CCDC157: variants seen among roughly 807,000 people sequenced by gnomAD.
CCDC157 encodes the protein coiled-coil domain-containing protein 157.
CCDC157 carries 60 observed loss-of-function variants against 70.9 expected under a neutral mutation model. That is an observed-to-expected ratio of 0.85 (90% CI 0.69 to 1.05). The LOEUF (loss-of-function observed/expected upper bound fraction) is 1.05. CCDC157 is among the 50% of genes least tolerant of loss of function. The pLI is 0.00. For synonymous variants in CCDC157, 373 were observed against 422.4 expected (o/e 0.88, Z 1.43); for missense variants, 943 against 984.2 (o/e 0.96, Z 0.56).
At chr22:30,365,107 G>A (rs1414465674) in intron 2 of CCDC157, among the ~76,000 whole-genome samples, 3 of 152,190 alleles carry the variant, frequency 2.0e-5, no homozygotes, top group Non-Finnish European at 4.4e-5. Context: ...CAGCTGAGAT[G>A]GTGGAAGCCC....
rs760971148 is a variant in CCDC157 at position 30,370,443 on chromosome 22, TTGCCCCAGA to T, written c.539_547del (p.Leu180_Thr183delinsSer). 1.2e-6 allele frequency: 2 copies of T among 1,614,104 alleles called. No individual in the cohort carries two copies. Among genetic ancestry groups the T allele is most frequent in the Admixed American group, 3.3e-5 (2 of 60,026 alleles). ...CAAGCCCTCCTCCCCAGTGCTAGGC[TTGCCCCAGA>T]CCTGCCAAGAGCCAGAGAGCATCCC... is the stretch of plus-strand genomic sequence containing the variant. On this transcript the variant is annotated inframe_deletion, in exon 5 of 12. Coordinates refer to ENST00000338306, the MANE Select transcript of CCDC157 (RefSeq NM_001017437.5).
In CCDC157 at chr22:30,375,249, G is replaced by A. The variant is rs111911350; in HGVS notation, c.1673-230G>A. On this transcript the variant is annotated intron_variant, in intron 9 of 11. Coordinates refer to ENST00000338306, the MANE Select transcript of CCDC157 (RefSeq NM_001017437.5). The stretch of plus-strand genomic sequence containing the variant: ...TGGGATTACAGGCGTGAGCCACCGC[G>A]CCCGGCCTTGCTAAGTCTTTTGAGA... 712 of 475,818 alleles carry A rather than the reference G, an allele frequency of 1.5e-3. 4 individuals carry two copies. Among genetic ancestry groups the A allele is most frequent in the African/African-American group, 0.012 (627 of 50,300 alleles). The allele number at this position is 475,818 out of a possible 1,614,324, so 29.5% of individuals were successfully genotyped here. A position where few individuals can be genotyped will look rare whatever the true frequency, so the allele number is the denominator to read the frequency against.
At position 30,374,092 on chromosome 22, in the gene CCDC157, G is replaced by A. The variant is rs991873149; in HGVS notation, c.1672+1G>A. The A allele has an allele frequency of 1.9e-6, 3 of 1,592,054 alleles. No homozygotes were observed. The highest frequency in any genetic ancestry group is 2.6e-6 in the Non-Finnish European group (3 of 1,170,476). ...AGGCCCACCGAGACCCAGATCCATG[G>A]TAGGGGACTGGGGATGGTGCCAAGG... On this transcript the variant is annotated splice_donor_variant, in intron 9 of 11. Transcript: ENST00000338306. LOFTEE classifies it high-confidence loss of function.
chr22:30,374,434 C>G (rs1933193515), intron 9 of CCDC157: 4 of 495,636 alleles, frequency 8.1e-6, no homozygotes, highest in Non-Finnish European at 1.6e-5. Flanking sequence ...CTTCTTGGTT[C>G]TTGGAATGGG....
At chr22:30,370,171 A>G in intron 4 of CCDC157, 155 bp from the exon 5 acceptor site, 1 of 849,904 alleles carries the variant, frequency 1.2e-6, no homozygotes, top group Admixed American at 2.3e-5. Context: ...AGAGGGAGAA[A>G]GTTCTCTCTT....
chr22:30,356,787 C>T (rs980895834), upstream of CCDC157: 4 of 1,420,190 alleles, frequency 2.8e-6, no homozygotes, highest in Non-Finnish European at 3.7e-6. Context: ...CGGGTCCGGC[C>T]GGCATGACTG....
chr22:30,372,095 C>A lies in CCDC157; in HGVS notation c.1144C>A (p.Gln382Lys). Residue 382 changes from glutamine (Q) to lysine (K), a missense_variant, in exon 7 of 12, where the codon CAG becomes AAG. By Grantham distance (53) the Gln-to-Lys change is moderately conservative. Coordinates refer to ENST00000338306, the MANE Select transcript of CCDC157 (RefSeq NM_001017437.5). ...QAVEAKAQQL[Q>K]EEGERRAAAE... ...TGCAGAGGCAAAGGCCCAGCAGCTG[C>A]AGGAGGAAGGTGAGCGCAGGGCGGC... 1 of 1,550,252 alleles carries A rather than the reference C, an allele frequency of 6.5e-7. No individual in the cohort carries two copies. The highest frequency in any genetic ancestry group is 8.7e-7 in the Non-Finnish European group (1 of 1,146,492).
At chr22:30,369,760 C>T in intron 4 of CCDC157, 157 bp downstream of exon 4, 1 of 585,466 alleles carries the variant, frequency 1.7e-6, no homozygotes, top group Non-Finnish European at 2.8e-6. Flanking sequence ...AAGCCCCACA[C>T]AGTGTGGCGG....
At chr22:30,368,089 G>A (rs1326362873) in intron 3 of CCDC157, among the ~76,000 whole-genome samples, 2 of 152,108 alleles carry the variant, frequency 1.3e-5, no homozygotes, top group African/African-American at 2.4e-5. Flanking sequence ...AAGCCGTGAC[G>A]GCCAGACAGG....
chr22:30,375,626 C>A lies in CCDC157; in HGVS notation c.1820C>A (p.Ser607Tyr). 1.2e-6 allele frequency: 2 copies of A among 1,614,026 alleles called. No homozygotes were observed. Among genetic ancestry groups the A allele is most frequent in the South Asian group, 1.1e-5 (1 of 91,066 alleles). The change falls in exon 10 of 12, where the codon TCC (serine) becomes TAC (tyrosine). Residue 607 changes from serine to tyrosine, a missense_variant. Ser to Tyr is a moderately radical substitution (Grantham distance 144, BLOSUM62 -2). Coordinates refer to ENST00000338306, the MANE Select transcript of CCDC157 (RefSeq NM_001017437.5). ...EENGRLQSML[S>Y]KIREVAQQGG... Reference sequence around the variant, plus strand: ...AACGGGCGGCTCCAATCAATGCTGTCCAAAATCCGGGAAGTGGCCCAGCAG... The same window carrying A: ...AACGGGCGGCTCCAATCAATGCTGTACAAAATCCGGGAAGTGGCCCAGCAG...
chr22:30,371,509 C>G (rs892776734), intron 5 of CCDC157, 141 bp from the exon 6 acceptor site: 9 of 671,838 alleles, frequency 1.3e-5, no homozygotes, highest in Non-Finnish European at 2.3e-5. Flanking sequence ...TTCCACCAGC[C>G]TCCCTAGAGC....
rs371254570 is a variant in CCDC157, at chr22:30,372,171, C to A, written c.1220C>A (p.Ala407Glu). Residue 407 changes from alanine to glutamate, a missense_variant, in exon 7 of 12, where the codon GCG (alanine) becomes GAG (glutamate). Ala to Glu is a moderately radical substitution (Grantham distance 107). Coordinates refer to ENST00000338306, the MANE Select transcript of CCDC157 (RefSeq NM_001017437.5). ...QLEEQVQQLE[A>E]QVQLLVGRLE... ...GAGGAGCAGGTGCAGCAGTTGGAGG[C>A]GCAGGTGCAGCTGTTGGTGGGTCGG... 4 of 1,574,978 alleles carry A rather than the reference C, an allele frequency of 2.5e-6. No individual in the cohort carries two copies. Among genetic ancestry groups the A allele is most frequent in the Non-Finnish European group, 3.4e-6 (4 of 1,162,224 alleles).
In CCDC157 at chr22:30,366,093, C is replaced by T. The variant is rs199928089; in HGVS notation, c.93C>T (p.Arg31=). 755 of 1,612,058 alleles carry T rather than the reference C, an allele frequency of 4.7e-4. 6 individuals carry two copies. The African/African-American group carries it at 8.7e-3, about 19-fold the overall frequency. Residue 31 remains arginine, a synonymous_variant, in exon 3 of 12, where the codon CGC becomes CGT. Coordinates refer to ENST00000338306, the MANE Select transcript of CCDC157 (RefSeq NM_001017437.5). The part of the protein sequence containing the change: ...LQGAIVDVFS[R]AGPVRFPSWK... Reference sequence around the variant, plus strand: ...GTGCCATCGTAGACGTCTTCTCCCGCGCCGGGCCTGTGCGCTTCCCCTCCT... The same window carrying T: ...GTGCCATCGTAGACGTCTTCTCCCGTGCCGGGCCTGTGCGCTTCCCCTCCT...
chr22:30,370,415 A>G lies in CCDC157; in HGVS notation c.510A>G (p.Leu170=), dbSNP rs368050149. The G allele has an allele frequency of 7.4e-6, 12 of 1,614,030 alleles. No individual in the cohort carries two copies. The highest frequency in any genetic ancestry group is 1.0e-5 in the Non-Finnish European group (12 of 1,180,040). The part of the protein sequence containing the change: ...ARSPEYLTTK[L]IKPSSPVLGL... ...GCCCTGAATATCTGACTACCAAGTT[A>G]ATCAAGCCCTCCTCCCCAGTGCTAG... is the stretch of plus-strand genomic sequence containing the variant. Residue 170 remains leucine (L), a synonymous_variant, in exon 5 of 12, where the codon TTA becomes TTG. Transcript: ENST00000338306.
chr22:30,366,207 G>A lies in CCDC157; in HGVS notation c.207G>A (p.Thr69=), dbSNP rs558203267. The A allele has an allele frequency of 1.7e-4, 272 of 1,613,668 alleles. No individual in the cohort carries two copies. The South Asian group carries it at 2.8e-3, about 17-fold the overall frequency. Reference sequence around the variant, plus strand: ...ATGTTCCGGGTGACCCCGAGTTCACGCAGCTGTCCCATGCCGTGCTGCTGG... The same window carrying A: ...ATGTTCCGGGTGACCCCGAGTTCACACAGCTGTCCCATGCCGTGCTGCTGG... ...YDHVPGDPEF[T]QLSHAVLLEL... Residue 69 remains threonine, a synonymous_variant, in exon 3 of 12, where the codon ACG becomes ACA. Coordinates refer to ENST00000338306, the MANE Select transcript of CCDC157 (RefSeq NM_001017437.5).
chr22:30,373,645 G>A lies in CCDC157; in HGVS notation c.1384G>A (p.Asp462Asn), dbSNP rs370221510. The stretch of plus-strand genomic sequence containing the variant: ...CCTGCTAAAGCAGCTGGACAGCCTG[G>A]ACCAGGAACGTGAGGAGCTGCGGGG... ...RALLKQLDSLDQEREELRGSL... is the reference protein window; with the variant it reads ...RALLKQLDSLNQEREELRGSL... Residue 462 changes from aspartate to asparagine, a missense_variant, in exon 8 of 12, where the codon GAC (aspartate) becomes AAC (asparagine). Asp to Asn is a conservative substitution (Grantham distance 23). Coordinates refer to ENST00000338306, the MANE Select transcript of CCDC157 (RefSeq NM_001017437.5). 171 of 1,558,582 alleles carry A rather than the reference G, an allele frequency of 1.1e-4. No homozygotes were observed. Among genetic ancestry groups the A allele is most frequent in the Middle Eastern group, 7.7e-4 (4 of 5,186 alleles).
chr22:30,375,225 G>A, intron 9 of CCDC157: 1 of 406,016 alleles, frequency 2.5e-6, no homozygotes, highest in South Asian at 2.6e-5. Context: ...CCAAAGTGCT[G>A]GGATTACAGG....
At chr22:30,364,671 C>T (rs1024049369) in intron 2 of CCDC157, among the ~76,000 whole-genome samples, 8 of 151,838 alleles carry the variant, frequency 5.3e-5, no homozygotes, top group African/African-American at 1.9e-4. Context: ...GGCGTGGTGG[C>T]GGGCACCTGT....
At chr22:30,370,132 C>A in intron 4 of CCDC157, 194 bp from the exon 5 acceptor site, 1 of 701,764 alleles carries the variant, frequency 1.4e-6, no homozygotes, top group Non-Finnish European at 2.5e-6. Flanking sequence ...GAGAGGAGAC[C>A]TGGCTGTAGT....
Sources: allele counts gnomAD v4.1 joint callset (sites outside exome capture counted in the v4.1 genomes callset), GRCh38; gene constraint gnomAD v4.1.1; transcripts MANE v1.5; gene names NCBI Gene and HGNC (gene_info 2026-07-23, HGNC 2026-07-21).